FBXO44: variants seen among roughly 807,000 people sequenced by gnomAD.
FBXO44 encodes F-box only protein 44.
FBXO44 carries 25 observed loss-of-function variants against 33.5 expected under a neutral mutation model. That is an observed-to-expected ratio of 0.75 (90% CI 0.54 to 1.04). The LOEUF is 1.04. FBXO44 is among the 50% of genes least tolerant of loss of function. FBXO44 has a pLI of 0.00. For synonymous variants in FBXO44, 147 were observed against 152.8 expected, an observed-to-expected ratio of 0.96 and a Z score of 0.28; for missense variants, 311 against 344.0, an observed-to-expected ratio of 0.90 and a Z score of 0.76.
At position 11,656,208 on chromosome 1, in the gene FBXO44, T is replaced by A. The variant is rs535713843; in HGVS notation, c.265+108T>A. The A allele has an allele frequency of 1.0e-3, 1,444 of 1,445,732 alleles. 5 individuals carry two copies. In the Middle Eastern group the frequency reaches 0.011, roughly 11 times the overall value. The allele number at this position is 1,445,732 out of a possible 1,614,324, so 89.6% of individuals were successfully genotyped here. A position where few individuals can be genotyped will look rare whatever the true frequency, so the allele number is the denominator to read the frequency against. On this transcript the variant is annotated intron_variant, in intron 2 of 5. Coordinates refer to ENST00000251547, the MANE Select transcript of FBXO44 (RefSeq NM_033182.7). ...GGTACTTTGGATGGTTTAACACCTT[T>A]ACTTCTCTCACAGTAACCCAAAGAG...
In FBXO44 at chr1:11,661,636, G is replaced by A. The variant is rs2294642; in HGVS notation, c.*363G>A. On this transcript the variant is annotated 3_prime_UTR_variant, in exon 6 of 6. Transcript: ENST00000251547. This position sits in a 1 kb window ranked among gnomAD's most constrained non-coding sequence, Gnocchi z 4.4. The stretch of plus-strand genomic sequence containing the variant: ...CCCCTCCTGGGACCATTCTACCTGT[G>A]TTCTTTGACCCTCGGAGCAGGGACA... The A allele has an allele frequency of 0.065, 18,145 of 281,050 alleles. 780 individuals carry two copies. The highest frequency in any genetic ancestry group is 0.17 in the East Asian group (2,625 of 15,632). The allele number at this position is 281,050 out of a possible 1,614,324, so 17.4% of individuals were successfully genotyped here. A position where few individuals can be genotyped will look rare whatever the true frequency, so the allele number is the denominator to read the frequency against.
In FBXO44 at chr1:11,658,604, G is replaced by A. The variant is rs536114166; in HGVS notation, c.464G>A (p.Arg155Gln). ...GYWEELMDTT[R>Q]PDIEVKDWFA... is the part of the protein sequence containing the mutation. ...TGGGAGGAGCTGATGGATACCACAC[G>A]GCCGGACATCGAGGTCAAGGACTGG... Residue 155 changes from arginine to glutamine, a missense_variant, in exon 4 of 6, where the codon CGG becomes CAG. Arg to Gln is a conservative substitution (Grantham distance 43, BLOSUM62 1). Coordinates refer to ENST00000251547, the MANE Select transcript of FBXO44 (RefSeq NM_033182.7). 23 of 1,613,560 alleles carry A rather than the reference G, an allele frequency of 1.4e-5. No homozygotes were observed. Among genetic ancestry groups the A allele is most frequent in the South Asian group, 6.6e-5 (6 of 91,054 alleles).
chr1:11,659,820 C>T (rs960135771), intron 5 of FBXO44, among the ~76,000 whole-genome samples: 7 of 152,108 alleles, frequency 4.6e-5, no homozygotes, highest in East Asian at 1.9e-4. Flanking sequence ...CTTAAAATGG[C>T]GGATACGAAT....
rs1165549685 is a variant in FBXO44 at position 11,658,533 on chromosome 1, C to A, written c.393C>A (p.Tyr131Ter). The A allele has an allele frequency of 6.2e-7, 1 of 1,612,276 alleles. No homozygotes were observed. The change falls in exon 4 of 6, where the codon TAC becomes TAA. Residue 131 changes from tyrosine (Y) to a stop codon, truncating the protein, a stop_gained and splice_region_variant. Transcript: ENST00000251547. LOFTEE classifies it high-confidence loss of function. ...CTCCCACCCCTCTGCCTGCCCCCAG[C>A]ACCTGCCTCAAGTCCCAGGTGGTGG... ...QVKKYFVTSYYTCLKSQVVDL... is the reference protein window; with the variant it reads ...QVKKYFVTSY
In FBXO44 at chr1:11,661,060, G is replaced by A. The variant is rs540486536; in HGVS notation, c.625-70G>A. On this transcript the variant is annotated intron_variant, in intron 5 of 5. Transcript: ENST00000251547. The surrounding 1 kb of genome is among the most constrained non-coding windows in gnomAD (Gnocchi z 4.4). ...AGCCTCCCAAAGTACTGGGATTCCC[G>A]GTGTGAGCCGCCACACCCAGCCTGA... 3.1e-5 allele frequency: 47 copies of A among 1,494,486 alleles called. No individual in the cohort carries two copies. The highest frequency in any genetic ancestry group is 2.6e-4 in the African/African-American group (19 of 72,230). 92.6% of individuals were successfully genotyped at this position (1,494,486 alleles called of 1,614,324 possible).
chr1:11,656,147 C>A, intron 2 of FBXO44, 47 bp downstream of exon 2: 3 of 1,596,966 alleles, frequency 1.9e-6, no homozygotes, highest in Non-Finnish European at 2.6e-6. Flanking sequence ...ACAGTCATGA[C>A]ACCAGGAACA....
intron 5 of FBXO44, among the ~76,000 whole-genome samples, chr1:11,659,753 C>G (rs541877070): frequency 6.6e-6 from 1 of 152,332 alleles, no homozygotes; most frequent in South Asian, 2.1e-4. Flanking sequence ...GCCTCAGCCT[C>G]CCAAAGTGCT....
At chr1:11,658,942 G>T in intron 5 of FBXO44, 71 bp downstream of exon 5, 2 of 1,576,606 alleles carry the variant, frequency 1.3e-6, no homozygotes, top group South Asian at 2.2e-5. Context: ...ACGGGGCCTA[G>T]GTTCAGATCC....
At chr1:11,656,311 CTTTT>C (rs34347559) in intron 2 of FBXO44, among the ~76,000 whole-genome samples, 3 of 93,872 alleles carry the variant, frequency 3.2e-5, no homozygotes, top group East Asian at 2.7e-4. Context: ...TTACTATACT[CTTTT>C]TTTTTTTTTT....
intron 2 of FBXO44, among the ~76,000 whole-genome samples, chr1:11,656,809 G>A (rs988883682): frequency 1.3e-5 from 2 of 152,120 alleles, no homozygotes; most frequent in Non-Finnish European, 1.5e-5. Context: ...TTTCCTAGGC[G>A]AGGGAATGTT....
rs1385217112 is a variant in FBXO44, at chr1:11,661,208, T to C, written c.703T>C (p.Trp235Arg). The C allele has an allele frequency of 1.2e-6, 2 of 1,614,146 alleles. No homozygotes were observed. The highest frequency in any genetic ancestry group is 1.1e-5 in the South Asian group (1 of 91,082). Residue 235 changes from tryptophan (W) to arginine (R), a missense_variant, in exon 6 of 6, where the codon TGG becomes CGG. Transcript: ENST00000251547. This position sits in a 1 kb window ranked among gnomAD's most constrained non-coding sequence, Gnocchi z 4.4. ...GCACGGCGGCGTGGACACTCATTAC[T>C]GGGCCGGCTGGTACGGCCCGAGGGT... ...FQHGGVDTHY[W>R]AGWYGPRVTN...
chr1:11,658,117 G>C, intron 2 of FBXO44, 150 bp from the exon 3 acceptor site: 1 of 1,279,960 alleles, frequency 7.8e-7, no homozygotes, highest in Non-Finnish European at 1.1e-6. Flanking sequence ...CACCTAATAC[G>C]CGGTGGGCAC....
rs905980872 is a variant in FBXO44 at position 11,662,115 on chromosome 1, C to T, written c.*842C>T. 4.6e-5 allele frequency: 7 copies of T among 152,074 alleles called. No individual in the cohort carries two copies. Among genetic ancestry groups the T allele is most frequent in the African/African-American group, 1.7e-4 (7 of 41,380 alleles). The allele number at this position is 152,074 out of a possible 1,614,324, so 9.4% of individuals were successfully genotyped here. A position where few individuals can be genotyped will look rare whatever the true frequency, so the allele number is the denominator to read the frequency against. On this transcript the variant is annotated 3_prime_UTR_variant, in exon 6 of 6. Transcript: ENST00000251547. ...ACCTCCCAAATCCAGGCCCGGCCCCCTCTGGCTTGGAGAGCATTCCAAGCC... is the reference window on the plus strand; with the variant it reads ...ACCTCCCAAATCCAGGCCCGGCCCCTTCTGGCTTGGAGAGCATTCCAAGCC...
chr1:11,661,553 TCC>T lies in FBXO44; in HGVS notation c.*283_*284del, dbSNP rs1640192863. 2.3e-6 allele frequency: 1 copy of T among 438,170 alleles called. No homozygotes were observed. Among genetic ancestry groups the T allele is most frequent in the Non-Finnish European group, 4.0e-6 (1 of 246,992 alleles). 27.1% of individuals were successfully genotyped at this position (438,170 alleles called of 1,614,324 possible). ...CTGAGATGTGGGAGGTGCAGCATGTTCCCCTGGGCCCCTCAGAAAGTCGAGCT... is the reference window on the plus strand; with the variant it reads ...CTGAGATGTGGGAGGTGCAGCATGTTCCTGGGCCCCTCAGAAAGTCGAGCT... On this transcript the variant is annotated 3_prime_UTR_variant, in exon 6 of 6. Coordinates refer to ENST00000251547, the MANE Select transcript of FBXO44 (RefSeq NM_033182.7). The surrounding 1 kb of genome is among the most constrained non-coding windows in gnomAD (Gnocchi z 4.4).
intron 5 of FBXO44, among the ~76,000 whole-genome samples, chr1:11,659,657 TA>T (rs112884314): frequency 1.6e-4 from 24 of 151,270 alleles, no homozygotes; most frequent in African/African-American, 5.6e-4. Flanking sequence ...CACCACTAAT[TA>T]AAAAAAAAAT....
chr1:11,658,675 G>GCCCCCCCCCCCCCCCGCCC, intron 4 of FBXO44, 47 bp downstream of exon 4: 1 of 1,594,528 alleles, frequency 6.3e-7, no homozygotes, highest in Non-Finnish European at 8.5e-7. Flanking sequence ...CCAATCAGGC[G>GCCCCCCCCCCCCCCCGCCC]CCCCACCCCC....
In FBXO44 at chr1:11,660,147, T is replaced by G. The variant is rs1640087826; in HGVS notation, c.625-983T>G. Among the ~76,000 whole-genome samples the G allele has an allele frequency of 2.0e-5, 3 of 152,214 alleles. No homozygotes were observed. In the South Asian group the frequency reaches 6.2e-4, roughly 31 times the overall value. On this transcript the variant is annotated intron_variant, in intron 5 of 5. Transcript: ENST00000251547. Reference sequence around the variant, plus strand: ...CAACTGAGTACCTGAATTTTTTATTTCATCTAATTTTACTTAATTTTTTTT... The same window carrying G: ...CAACTGAGTACCTGAATTTTTTATTGCATCTAATTTTACTTAATTTTTTTT...
intron 5 of FBXO44, among the ~76,000 whole-genome samples, chr1:11,660,498 G>A (rs550692193): frequency 4.6e-5 from 7 of 152,310 alleles, no homozygotes; most frequent in South Asian, 2.1e-4. Flanking sequence ...CATGTGCCCC[G>A]TGATGAGTAT....
At chr1:11,658,432 C>A in intron 3 of FBXO44, 39 bp downstream of exon 3, 1 of 1,613,254 alleles carries the variant, frequency 6.2e-7, no homozygotes, top group Non-Finnish European at 8.5e-7. Flanking sequence ...AAGCCCAAAT[C>A]AATTTACCCT....
Sources: allele counts gnomAD v4.1 joint callset (sites outside exome capture counted in the v4.1 genomes callset), GRCh38; gene constraint gnomAD v4.1.1; non-coding constraint Gnocchi (gnomAD v3.1); transcripts MANE v1.5; gene names NCBI Gene and HGNC (gene_info 2026-07-23, HGNC 2026-07-21).